Variants in RBFOX1 observed in about 807,000 individuals in gnomAD.
The protein encoded by RBFOX1 is RNA binding fox-1 homolog 1.
In RBFOX1, 8 loss-of-function variants were observed where a neutral mutation model predicts 57.7. That is an observed-to-expected ratio of 0.14 (90% CI 0.08 to 0.25). The LOEUF is 0.25. Among genes scored for constraint, RBFOX1 ranks in the 10% least tolerant of loss-of-function variants. The pLI is 1.00. For missense variants in RBFOX1, 611 were observed against 548.5 expected (o/e 1.11, Z -1.14); for synonymous variants, 326 against 222.4 (o/e 1.47, Z -4.15).
intron 1 of RBFOX1, among the ~76,000 whole-genome samples, chr16:6,311,110 C>T (rs1352478807): frequency 6.6e-6 from 1 of 151,808 alleles, no homozygotes; most frequent in Admixed American, 6.6e-5. Flanking sequence ...GCCTGGCCGA[C>T]ATGGTGAAAC....
In RBFOX1 at chr16:7,710,714, G is replaced by A. The variant is rs747612014; in HGVS notation, c.1163G>A (p.Arg388Gln). 7 of 1,607,540 alleles carry A rather than the reference G, an allele frequency of 4.4e-6. No individual in the cohort carries two copies. Among genetic ancestry groups the A allele is most frequent in the Non-Finnish European group, 5.1e-6 (6 of 1,177,244 alleles). ...VLSSLQASIY[R>Q]GGYNRFAPY Reference sequence around the variant, plus strand: ...TCTTCATTGCAGGCTAGTATATACCGAGGGGGATACAACCGTTTTGCTCCA... The same window carrying A: ...TCTTCATTGCAGGCTAGTATATACCAAGGGGGATACAACCGTTTTGCTCCA... Residue 388 changes from arginine to glutamine, a missense_variant, in exon 16 of 16, where the codon CGA (arginine) becomes CAA (glutamine). By Grantham distance (43) the Arg-to-Gln change is conservative. Around this residue, in one of 3 missense-constraint regions of RBFOX1, gnomAD observed 267 missense variants for 229.1 expected, o/e 1.17. Transcript: ENST00000550418.
At chr16:5,239,754 C>T (rs1402482092), upstream of RBFOX1, 11 of 166,002 alleles carry the variant, frequency 6.6e-5, no homozygotes, top group Non-Finnish European at 1.3e-4. Flanking sequence ...CGGAGGAGCC[C>T]GCGCCGGCCC....
chr16:5,895,377 T>G (rs1285843491), intron 4 of RBFOX1, among the ~76,000 whole-genome samples: 2 of 152,216 alleles, frequency 1.3e-5, no homozygotes, highest in African/African-American at 4.8e-5. Context: ...ATTTCTAAGA[T>G]GAGCTTCTGG....
At chr16:7,524,549 C>G (rs995121025) in intron 5 of RBFOX1, among the ~76,000 whole-genome samples, 2 of 152,172 alleles carry the variant, frequency 1.3e-5, no homozygotes, top group African/African-American at 4.8e-5. Flanking sequence ...CCAACAGCAA[C>G]TTAACTTCTA....
chr16:7,632,602 C>T lies in RBFOX1; in HGVS notation c.757+1919C>T, dbSNP rs540207335. Among the ~76,000 whole-genome samples the T allele has an allele frequency of 2.6e-5, 4 of 152,270 alleles. No individual in the cohort carries two copies. In the East Asian group the frequency reaches 7.7e-4, roughly 29 times the overall value. Reference sequence around the variant, plus strand: ...ATTTGACTAAATCTGATCGCTGTACCATTTACCTAGCCTTCCTCGTCTATA... The same window carrying T: ...ATTTGACTAAATCTGATCGCTGTACTATTTACCTAGCCTTCCTCGTCTATA... On this transcript the variant is annotated intron_variant, in intron 11 of 15. Transcript: ENST00000550418.
intron 3 of RBFOX1, among the ~76,000 whole-genome samples, chr16:5,850,972 T>C (rs1252814453): frequency 1.3e-5 from 2 of 152,216 alleles, no homozygotes; most frequent in Non-Finnish European, 2.9e-5. Context: ...CGGAGGCTCA[T>C]GCATCCTCTG....
chr16:6,003,593 C>T (rs2060640258), intron 4 of RBFOX1, among the ~76,000 whole-genome samples: 1 of 152,060 alleles, frequency 6.6e-6, no homozygotes, highest in South Asian at 2.1e-4. Flanking sequence ...TTAAATACAG[C>T]GACAGCTTCC....
chr16:7,263,793 G>C (rs1400740878), intron 4 of RBFOX1, among the ~76,000 whole-genome samples: 1 of 151,938 alleles, frequency 6.6e-6, no homozygotes, highest in African/African-American at 2.4e-5. Context: ...CTGCTCAAGA[G>C]GTAGGCTGAG....
intron 1 of RBFOX1, among the ~76,000 whole-genome samples, chr16:6,124,274 G>T (rs553851358): frequency 6.6e-6 from 1 of 152,186 alleles, no homozygotes; most frequent in African/African-American, 2.4e-5. Context: ...AGAGTCTTCA[G>T]TCTCCATGGG....
At chr16:7,121,328 T>C (rs986781370) in intron 4 of RBFOX1, among the ~76,000 whole-genome samples, 13 of 152,104 alleles carry the variant, frequency 8.5e-5, no homozygotes, top group African/African-American at 3.1e-4. Flanking sequence ...AGGGCATCTT[T>C]AATCACAGAT....
chr16:7,420,160 C>G (rs941733352), intron 4 of RBFOX1, among the ~76,000 whole-genome samples: 1 of 152,098 alleles, frequency 6.6e-6, no homozygotes, highest in African/African-American at 2.4e-5. Flanking sequence ...TATGCTCTCT[C>G]TCCAGTCTAA....
At chr16:6,890,514 A>G (rs975839171) in intron 3 of RBFOX1, among the ~76,000 whole-genome samples, 2 of 124,492 alleles carry the variant, frequency 1.6e-5, no homozygotes, top group Non-Finnish European at 3.5e-5. Flanking sequence ...GCGAGACTCC[A>G]TCTCAAAACA....
chr16:7,616,392 T>C lies in RBFOX1; in HGVS notation c.676+9054T>C, dbSNP rs562359974. ...CACCTGAGCCTTAGTGTCCAGCGTT[T>C]TTGTTAGTGGTTACTCACATAGGCA... On this transcript the variant is annotated intron_variant, in intron 10 of 15. Transcript: ENST00000550418. 4.5e-4 allele frequency among the ~76,000 whole-genome samples: 69 copies of C among 152,302 alleles called. 3 individuals are homozygous for C. In the South Asian group the frequency reaches 0.014, roughly 32 times the overall value.
At chr16:7,510,333 A>G (rs755758389) in intron 4 of RBFOX1, 3 of 985,040 alleles carry the variant, frequency 3.0e-6, no homozygotes, top group East Asian at 1.1e-4. Context: ...TTTTTTTTCC[A>G]TTTAATCTTT....
chr16:5,576,530 C>T, intron 2 of RBFOX1, among the ~76,000 whole-genome samples: 1 of 152,256 alleles, frequency 6.6e-6, no homozygotes, highest in East Asian at 1.9e-4. Context: ...GATAATTTCC[C>T]AGATGAATCC....
At chr16:7,144,308 C>T (rs930224832) in intron 4 of RBFOX1, among the ~76,000 whole-genome samples, 5 of 151,998 alleles carry the variant, frequency 3.3e-5, no homozygotes, top group Admixed American at 2.0e-4. Flanking sequence ...AAAGATAACA[C>T]CATTTTGTAC....
At chr16:6,406,862 A>G (rs17438773) in intron 2 of RBFOX1, among the ~76,000 whole-genome samples, 2,591 of 152,252 alleles carry the variant, frequency 0.017, 46 homozygotes, top group Admixed American at 0.054. Flanking sequence ...CATGGCTTGA[A>G]ATGAACAGTT....
At chr16:6,677,230 C>T (rs916033086) in intron 3 of RBFOX1, among the ~76,000 whole-genome samples, 1 of 152,118 alleles carries the variant, frequency 6.6e-6, no homozygotes, top group Admixed American at 6.5e-5. Context: ...TACAGGTTTT[C>T]CGTGCTCTAG....
chr16:6,402,573 A>G (rs1307057691), intron 2 of RBFOX1, among the ~76,000 whole-genome samples: 1 of 152,134 alleles, frequency 6.6e-6, no homozygotes, highest in Non-Finnish European at 1.5e-5. Context: ...AAGAGTGTTC[A>G]GTTTGTCCTT....
Sources: allele counts gnomAD v4.1 joint callset (sites outside exome capture counted in the v4.1 genomes callset), GRCh38; gene constraint gnomAD v4.1.1; regional missense constraint gnomAD v4.1.1; transcripts MANE v1.5; gene names NCBI Gene and HGNC (gene_info 2026-07-23, HGNC 2026-07-21).